The following IGF2BP3 variants were observed in gnomAD, a reference collection of about 807,000 sequenced individuals.
IGF2BP3 encodes insulin like growth factor 2 mRNA binding protein 3.
Under a neutral mutation model 73.8 loss-of-function variants are expected in IGF2BP3, and 9 were observed. That is an observed-to-expected ratio of 0.12 (90% confidence interval 0.07 to 0.21). IGF2BP3 has a LOEUF of 0.21. IGF2BP3 is among the 10% of genes least tolerant of loss of function. IGF2BP3 has a pLI of 1.00. For missense variants in IGF2BP3, 542 were observed against 714.0 expected, an observed-to-expected ratio of 0.76 and a Z score of 2.75; for synonymous variants, 258 against 256.7, an observed-to-expected ratio of 1.01 and a Z score of -0.05.
At chr7:23,339,137 T>C (rs552292353) in intron 10 of IGF2BP3, among the ~76,000 whole-genome samples, 1 of 152,374 alleles carries the variant, frequency 6.6e-6, no homozygotes, top group East Asian at 1.9e-4. Context: ...TCTGTTCTCA[T>C]TTGCTCCTTC....
chr7:23,370,659 A>G (rs1288402339), intron 3 of IGF2BP3, among the ~76,000 whole-genome samples: 2 of 151,494 alleles, frequency 1.3e-5, no homozygotes, highest in East Asian at 3.9e-4. Context: ...AAAGGAAGCT[A>G]GTTCTAGGTT....
At chr7:23,460,233 T>TA (rs1442277602) in intron 2 of IGF2BP3, among the ~76,000 whole-genome samples, 6 of 138,456 alleles carry the variant, frequency 4.3e-5, no homozygotes, top group African/African-American at 1.1e-4. Context: ...CCAGAAATGT[T>TA]AAAAAAGTGC....
chr7:23,459,043 T>C (rs1788384837), intron 2 of IGF2BP3, among the ~76,000 whole-genome samples: 1 of 152,234 alleles, frequency 6.6e-6, no homozygotes, highest in Admixed American at 6.5e-5. Context: ...GGAGAATCCT[T>C]TGGTAAAGCA....
chr7:23,370,075 A>ATGAAATCTTCACAT (rs1785499056), intron 3 of IGF2BP3, among the ~76,000 whole-genome samples: 1 of 152,200 alleles, frequency 6.6e-6, no homozygotes, highest in African/African-American at 2.4e-5. Context: ...AGAGGTTGTC[A>ATGAAATCTTCACAT]GTTACCTGGT....
At chr7:23,404,438 C>T (rs570412259) in intron 3 of IGF2BP3, among the ~76,000 whole-genome samples, 1 of 151,940 alleles carries the variant, frequency 6.6e-6, no homozygotes, top group Non-Finnish European at 1.5e-5. Context: ...GTAGTGGACA[C>T]AAAACAAGAA....
At position 23,319,183 on chromosome 7, in the gene IGF2BP3, G is replaced by T; in HGVS notation, c.1275C>A (p.Gly425=). The T allele has an allele frequency of 6.2e-7, 1 of 1,613,856 alleles. No homozygotes were observed. Among genetic ancestry groups the T allele is most frequent in the Non-Finnish European group, 8.5e-7 (1 of 1,179,834 alleles). ...LSVGAIIGKQ[G]QHIKQLSRFA... ...AGCGAGAAAGCTGCTTGATGTGCTG[G>T]CCCTGCTTGCCGATGATGGCACCGA... Residue 425 remains glycine (G), a synonymous_variant, in exon 11 of 15, where the codon GGC becomes GGA. Coordinates refer to ENST00000258729, the MANE Select transcript of IGF2BP3 (RefSeq NM_006547.3).
chr7:23,397,769 C>T lies in IGF2BP3; in HGVS notation c.285+21007G>A, dbSNP rs762128380. ...TTATTTGACACTTGAGTGCTGATTA[C>T]ACTGGTGGTAAATTGAATAATGGTC... On this transcript the variant is annotated intron_variant, in intron 3 of 14. Transcript: ENST00000258729. Among the ~76,000 whole-genome samples the T allele has an allele frequency of 3.9e-5, 6 of 152,218 alleles. 1 individual carries two copies. Among genetic ancestry groups the T allele is most frequent in the Non-Finnish European group, 7.3e-5 (5 of 68,042 alleles).
intron 3 of IGF2BP3, among the ~76,000 whole-genome samples, chr7:23,379,651 C>A (rs1785844791): frequency 6.6e-6 from 1 of 152,132 alleles, no homozygotes; most frequent in Admixed American, 6.6e-5. Flanking sequence ...CTCACAGAAG[C>A]TCTATTCACC....
At position 23,416,703 on chromosome 7, in the gene IGF2BP3, C is replaced by T. The variant is rs1281232914; in HGVS notation, c.285+2073G>A. Among the ~76,000 whole-genome samples the T allele has an allele frequency of 2.0e-5, 3 of 152,148 alleles. No homozygotes were observed. The East Asian group carries it at 5.8e-4, about 29-fold the overall frequency. ...AAATTGTCCAGAACTGCAAAATTAT[C>T]GCTGTTTATGATAAGGCTTTGGCAC... On this transcript the variant is annotated intron_variant, in intron 3 of 14. Transcript: ENST00000258729.
chr7:23,400,636 C>G (rs2128525430), intron 3 of IGF2BP3, among the ~76,000 whole-genome samples: 1 of 152,326 alleles, frequency 6.6e-6, no homozygotes, highest in South Asian at 2.1e-4. Flanking sequence ...CCAAGAATTT[C>G]CATTTCACAC....
At chr7:23,363,975 A>G (rs1478944294) in intron 3 of IGF2BP3, among the ~76,000 whole-genome samples, 2 of 152,282 alleles carry the variant, frequency 1.3e-5, no homozygotes, top group African/African-American at 4.8e-5. Context: ...ACAGTGGCTC[A>G]TGCCTGTAAT....
At chr7:23,316,823 A>C (rs1283987262) in intron 12 of IGF2BP3, among the ~76,000 whole-genome samples, 2 of 152,136 alleles carry the variant, frequency 1.3e-5, no homozygotes, top group Non-Finnish European at 2.9e-5. Context: ...ATATTTATGA[A>C]TTTGGCATGG....
At chr7:23,393,141 TC>T (rs1281388372) in intron 3 of IGF2BP3, among the ~76,000 whole-genome samples, 1 of 152,134 alleles carries the variant, frequency 6.6e-6, no homozygotes, top group Non-Finnish European at 1.5e-5. Context: ...CAAGATGTCT[TC>T]TGCCCGCTGG....
chr7:23,328,801 C>T (rs1024148348), intron 10 of IGF2BP3, among the ~76,000 whole-genome samples: 15 of 152,180 alleles, frequency 9.9e-5, no homozygotes, highest in African/African-American at 2.9e-4. Context: ...TTCAGTACTT[C>T]GTTCTTTCAA....
At position 23,353,691 on chromosome 7, in the gene IGF2BP3, C is replaced by T. The variant is rs1419214998; in HGVS notation, c.402-2105G>A. Among the ~76,000 whole-genome samples the T allele has an allele frequency of 5.3e-5, 8 of 152,124 alleles. No homozygotes were observed. In the South Asian group the frequency reaches 6.2e-4, roughly 12 times the overall value. ...GCTTGTTTTTAAATACAATGTCTTG[C>T]GATATTTCCATGTGATTTCTATGTC... On this transcript the variant is annotated intron_variant, in intron 5 of 14. Coordinates refer to ENST00000258729, the MANE Select transcript of IGF2BP3 (RefSeq NM_006547.3).
At chr7:23,392,433 CATAT>C (rs141882109) in intron 3 of IGF2BP3, among the ~76,000 whole-genome samples, 2 of 141,926 alleles carry the variant, frequency 1.4e-5, no homozygotes, top group African/African-American at 2.6e-5. Flanking sequence ...AGCTTATCAT[CATAT>C]ATATATATAT....
chr7:23,346,052 T>C lies in IGF2BP3; in HGVS notation c.829A>G (p.Ile277Val). ...TTATGAGCTAAAATCTTCAAGGGGA[T>C]CTCTTCTGTGCTGTAAATAGAAAAG... ...EAQDIKFTEE[I>V]PLKILAHNNF... Residue 277 changes from isoleucine to valine, a missense_variant, in exon 8 of 15, where the codon ATC becomes GTC. This residue lies in a region of IGF2BP3 where 303 missense variants were observed against 472.1 expected (regional missense o/e 0.64). Transcript: ENST00000258729. The C allele has an allele frequency of 6.2e-7, 1 of 1,612,970 alleles. No individual in the cohort carries two copies. Among genetic ancestry groups the C allele is most frequent in the Middle Eastern group, 1.7e-4 (1 of 6,060 alleles).
chr7:23,407,365 T>G (rs1237286843), intron 3 of IGF2BP3, among the ~76,000 whole-genome samples: 5 of 150,564 alleles, frequency 3.3e-5, no homozygotes, highest in Admixed American at 3.3e-4. Flanking sequence ...TCCCAGCACT[T>G]TGGGAGGCCG....
chr7:23,348,194 T>C (rs528318039), intron 6 of IGF2BP3, among the ~76,000 whole-genome samples: 26 of 152,344 alleles, frequency 1.7e-4, no homozygotes, highest in Non-Finnish European at 1.9e-4. Context: ...GCTTCCCCTT[T>C]GCAAGGTTCT....
Sources: allele counts gnomAD v4.1 joint callset (sites outside exome capture counted in the v4.1 genomes callset), GRCh38; gene constraint gnomAD v4.1.1; regional missense constraint gnomAD v4.1.1; transcripts MANE v1.5; gene names NCBI Gene and HGNC (gene_info 2026-07-23, HGNC 2026-07-21).